The following ANKRD17 variants were observed in gnomAD, a reference collection of about 807,000 sequenced individuals.
ANKRD17 encodes the protein ankyrin repeat domain-containing protein 17.
In ANKRD17, 19 loss-of-function variants were observed where a neutral mutation model predicts 229.7. The observed-to-expected ratio is 0.08, with a 90% confidence interval of 0.06 to 0.12. ANKRD17 has a LOEUF of 0.12. ANKRD17 is among the 10% of genes least tolerant of loss of function. The pLI is 1.00. For synonymous variants in ANKRD17, 1,112 were observed against 1,146.1 expected (o/e 0.97, Z 0.60); for missense variants, 2,176 against 3,176.8 (o/e 0.68, Z 7.57).
intron 1 of ANKRD17, among the ~76,000 whole-genome samples, chr4:73,204,322 T>C (rs1192123643): frequency 1.4e-5 from 2 of 141,780 alleles, no homozygotes; most frequent in Non-Finnish European, 1.5e-5. Flanking sequence ...GATCACGTCA[T>C]TGCAGTCCAG....
At chr4:73,178,090 C>T (rs1244916155) in intron 1 of ANKRD17, among the ~76,000 whole-genome samples, 3 of 152,136 alleles carry the variant, frequency 2.0e-5, no homozygotes, top group South Asian at 2.1e-4. Context: ...AAACAAGTTC[C>T]AAAATTCTAA....
At chr4:73,202,453 G>A (rs1412431165) in intron 1 of ANKRD17, among the ~76,000 whole-genome samples, 1 of 149,110 alleles carries the variant, frequency 6.7e-6, no homozygotes, top group Non-Finnish European at 1.5e-5. Flanking sequence ...ATTGGGAAAA[G>A]AACTATTGAG....
chr4:73,204,016 A>G (rs1464321062), intron 1 of ANKRD17, among the ~76,000 whole-genome samples: 1 of 152,126 alleles, frequency 6.6e-6, no homozygotes, highest in African/African-American at 2.4e-5. Context: ...TCTTATTCAA[A>G]AGAAGGAAAA....
chr4:73,194,716 A>T (rs983758902), intron 1 of ANKRD17, among the ~76,000 whole-genome samples: 2 of 152,146 alleles, frequency 1.3e-5, no homozygotes, highest in Non-Finnish European at 2.9e-5. Flanking sequence ...TACAGCTGAA[A>T]CATCTGGCTA....
chr4:73,258,551 C>A lies in ANKRD17; in HGVS notation c.118G>T (p.Gly40Cys). 1 of 1,476,614 alleles carries A rather than the reference C, an allele frequency of 6.8e-7. No individual in the cohort carries two copies. The highest frequency in any genetic ancestry group is 8.9e-7 in the Non-Finnish European group (1 of 1,123,388). The allele number at this position is 1,476,614 out of a possible 1,614,324, so 91.5% of individuals were successfully genotyped here. ...PAAAEVGGGVGGSSRARSASS... is the reference protein window; with the variant it reads ...PAAAEVGGGVCGSSRARSASS... ...GCCGAGCGAGCTCTGCTGCTGCCGC[C>A]AACGCCGCCGCCGACCTCCGCCGCC... is the stretch of plus-strand genomic sequence containing the variant. Residue 40 changes from glycine to cysteine, a missense_variant, in exon 1 of 34, where the codon GGC becomes TGC. Around this residue, in one of 18 missense-constraint regions of ANKRD17, gnomAD observed 196 missense variants for 190.0 expected, o/e 1.03. Transcript: ENST00000358602.
chr4:73,158,738 G>T (rs1732109932), intron 3 of ANKRD17, among the ~76,000 whole-genome samples: 1 of 152,138 alleles, frequency 6.6e-6, no homozygotes, highest in African/African-American at 2.4e-5. Flanking sequence ...TGGATTAATG[G>T]GTAAATGAAC....
intron 24 of ANKRD17, among the ~76,000 whole-genome samples, chr4:73,111,095 A>C (rs1360674610): frequency 6.6e-6 from 1 of 152,216 alleles, no homozygotes; most frequent in African/African-American, 2.4e-5. Flanking sequence ...ATGATGAGTA[A>C]GTACATTCCA....
intron 25 of ANKRD17, 58 bp downstream of exon 25, chr4:73,102,317 AG>A (rs1219437325): frequency 2.7e-6 from 4 of 1,501,782 alleles, no homozygotes; most frequent in Non-Finnish European, 2.7e-6. Context: ...CTGATAATCA[AG>A]TAAATATAAT....
At chr4:73,167,871 G>A (rs553566483) in intron 2 of ANKRD17, among the ~76,000 whole-genome samples, 139 of 152,190 alleles carry the variant, frequency 9.1e-4, no homozygotes, top group African/African-American at 2.9e-3. Flanking sequence ...TTTAAATACC[G>A]GTTGGGCACA....
chr4:73,129,531 G>C (rs1727908712), intron 16 of ANKRD17, among the ~76,000 whole-genome samples: 1 of 152,038 alleles, frequency 6.6e-6, no homozygotes, highest in African/African-American at 2.4e-5. Flanking sequence ...TTTGAGAACA[G>C]CTGGGCAACA....
intron 3 of ANKRD17, among the ~76,000 whole-genome samples, chr4:73,157,136 C>T (rs981112817): frequency 4.6e-5 from 7 of 151,830 alleles, no homozygotes; most frequent in Admixed American, 3.3e-4. Context: ...TTCTTTTGTT[C>T]GGTCAGTAGA....
At chr4:73,175,337 A>C (rs899585581) in intron 2 of ANKRD17, among the ~76,000 whole-genome samples, 2 of 152,146 alleles carry the variant, frequency 1.3e-5, no homozygotes, top group African/African-American at 4.8e-5. Context: ...CATGGGGGAA[A>C]CTGTCCCCAT....
intron 2 of ANKRD17, among the ~76,000 whole-genome samples, chr4:73,163,356 G>A (rs1472253360): frequency 1.3e-5 from 2 of 152,200 alleles, no homozygotes; most frequent in African/African-American, 4.8e-5. Context: ...GTGGTCCACT[G>A]AATAGAAGCA....
intron 25 of ANKRD17, chr4:73,101,168 C>T: frequency 1.1e-6 from 1 of 940,492 alleles, no homozygotes; most frequent in South Asian, 4.9e-5. Context: ...TCCTGGAAAC[C>T]ATCCCCTGTG....
intron 1 of ANKRD17, among the ~76,000 whole-genome samples, chr4:73,207,938 CA>C (rs1377508025): frequency 2.0e-5 from 3 of 152,090 alleles, no homozygotes; most frequent in Admixed American, 2.0e-4. Flanking sequence ...CCTGTAATCC[CA>C]GCACTTTGGG....
At chr4:73,204,372 A>AG (rs1172774315) in intron 1 of ANKRD17, among the ~76,000 whole-genome samples, 72 of 151,066 alleles carry the variant, frequency 4.8e-4, no homozygotes, top group Non-Finnish European at 8.6e-4. Context: ...AAAAAAAAAA[A>AG]AAAAAAAGAA....
intron 15 of ANKRD17, among the ~76,000 whole-genome samples, chr4:73,137,488 T>C (rs1029608823): frequency 6.6e-6 from 1 of 152,152 alleles, no homozygotes; most frequent in Non-Finnish European, 1.5e-5. Context: ...GAGGCTGTAA[T>C]ATACTTTAAA....
At chr4:73,125,389 T>C in intron 16 of ANKRD17, 77 bp from the exon 17 acceptor site, 5 of 1,018,234 alleles carry the variant, frequency 4.9e-6, no homozygotes, top group Non-Finnish European at 7.4e-6. Context: ...TGCAAACATA[T>C]CAAATACACA....
At chr4:73,241,830 A>C (rs1744072327) in intron 1 of ANKRD17, among the ~76,000 whole-genome samples, 1 of 152,164 alleles carries the variant, frequency 6.6e-6, no homozygotes, top group South Asian at 2.1e-4. Context: ...AATTCATCAT[A>C]CCAAGTATTC....
Sources: gnomAD v4.1 joint callset for allele counts (sites outside exome capture counted in the v4.1 genomes callset) on GRCh38, gnomAD v4.1.1 for gene constraint, gnomAD v4.1.1 regional missense constraint, MANE v1.5 for transcripts, NCBI Gene and HGNC (gene_info 2026-07-23, HGNC 2026-07-21) for gene names.